The following FKBP15 variants were observed in gnomAD, a reference collection of about 807,000 sequenced individuals.
FKBP15 encodes FK506-binding protein 15.
A neutral mutation model predicts 158.1 loss-of-function variants in FKBP15; 106 were observed. The ratio of observed to expected loss-of-function variants is 0.67; its 90% CI spans 0.57 to 0.79. FKBP15 has a LOEUF of 0.79. FKBP15 is among the 30% of genes least tolerant of loss of function. The pLI is 0.00. For missense variants in FKBP15, 1,287 were observed against 1,479.1 expected (o/e 0.87, Z 2.13); for synonymous variants, 547 against 548.6 (o/e 1.00, Z 0.04).
In FKBP15 at chr9:113,198,836, AAC is replaced by A. The variant is rs772762368; in HGVS notation, c.717+17_717+18del. 1.9e-6 allele frequency: 3 copies of A among 1,572,530 alleles called. No homozygotes were observed. Among genetic ancestry groups the A allele is most frequent in the South Asian group, 1.2e-5 (1 of 85,660 alleles). ...ACTGCAACTGATAAAACCATAAAAA[AAC>A]ACAGTTAAGCCTTTACCTTGATGAC... is the stretch of plus-strand genomic sequence containing the variant. On this transcript the variant is annotated intron_variant, in intron 8 of 27. Transcript: ENST00000238256. The surrounding 1 kb of genome is among the most constrained non-coding windows in gnomAD (Gnocchi z 5.2).
At chr9:113,199,408 A>G (rs895642292) in intron 7 of FKBP15, among the ~76,000 whole-genome samples, 2 of 152,224 alleles carry the variant, frequency 1.3e-5, no homozygotes, top group Non-Finnish European at 2.9e-5. Context: ...TTAAGGGCTC[A>G]ATAATATTAA....
In FKBP15 at chr9:113,173,491, C is replaced by T. The variant is rs752293633; in HGVS notation, c.2494G>A (p.Asp832Asn). 5 of 1,613,768 alleles carry T rather than the reference C, an allele frequency of 3.1e-6. No homozygotes were observed. The highest frequency in any genetic ancestry group is 4.2e-6 in the Non-Finnish European group (5 of 1,179,784). Residue 832 changes from aspartate (D) to asparagine (N), a missense_variant, in exon 23 of 28, where the codon GAT becomes AAT. Physicochemically the swap from Asp to Asn is conservative, Grantham distance 23 (BLOSUM62 1). Coordinates refer to ENST00000238256, the MANE Select transcript of FKBP15 (RefSeq NM_015258.2). ...QQYQEVCAQR[D>N]AYQQKLVQLQ... ...TGTACCAGCTTCTGCTGGTAGGCAT[C>T]TCTCTGTGCGCACACCTCCTGGTAC...
rs1050960170 is a variant in FKBP15 at position 113,162,224 on chromosome 9, A to G, written c.*3854T>C. 5 of 267,816 alleles carry G rather than the reference A, an allele frequency of 1.9e-5. No homozygotes were observed. Among genetic ancestry groups the G allele is most frequent in the Non-Finnish European group, 2.9e-5 (4 of 137,030 alleles). 16.6% of individuals were successfully genotyped at this position (267,816 alleles called of 1,614,324 possible). On this transcript the variant is annotated 3_prime_UTR_variant, in exon 28 of 28. Coordinates refer to ENST00000238256, the MANE Select transcript of FKBP15 (RefSeq NM_015258.2). ...CCCGCTCCATCACTAGCCACCCTACATGGGTGTCTCAGATCTTCACAACTG... is the reference window on the plus strand; with the variant it reads ...CCCGCTCCATCACTAGCCACCCTACGTGGGTGTCTCAGATCTTCACAACTG...
intron 21 of FKBP15, among the ~76,000 whole-genome samples, chr9:113,174,846 A>G (rs1289484212): frequency 2.1e-5 from 1 of 46,906 alleles, no homozygotes; most frequent in African/African-American, 7.7e-5. Context: ...GCGGATCACG[A>G]GGTCAGGAGA....
chr9:113,199,794 T>G lies in FKBP15; in HGVS notation c.648+20A>C. On this transcript the variant is annotated intron_variant, in intron 7 of 27. Coordinates refer to ENST00000238256, the MANE Select transcript of FKBP15 (RefSeq NM_015258.2). ...TGCTATATAAGTTTACAAAAGAACT[T>G]GCAGGGTGCATTTTCTTACCTGGCC... The G allele has an allele frequency of 6.2e-7, 1 of 1,606,418 alleles. No homozygotes were observed. The highest frequency in any genetic ancestry group is 8.5e-7 in the Non-Finnish European group (1 of 1,176,444).
intron 12 of FKBP15, among the ~76,000 whole-genome samples, chr9:113,190,257 T>C (rs1465653146): frequency 6.6e-6 from 1 of 152,172 alleles, no homozygotes; most frequent in African/African-American, 2.4e-5. Flanking sequence ...AACTGCCCAG[T>C]TCTTGTAAAA....
At chr9:113,166,561 A>G (rs930256261) in intron 27 of FKBP15, among the ~76,000 whole-genome samples, 9 of 152,176 alleles carry the variant, frequency 5.9e-5, no homozygotes, top group African/African-American at 2.2e-4. Flanking sequence ...GGAAGAAGGG[A>G]GGTTGGGAAG....
intron 1 of FKBP15, among the ~76,000 whole-genome samples, chr9:113,212,917 C>A (rs1040305429): frequency 6.6e-6 from 1 of 152,174 alleles, no homozygotes; most frequent in South Asian, 2.1e-4. Context: ...ACAGGCAATA[C>A]AAATGTAACA....
chr9:113,207,351 T>A, intron 2 of FKBP15, 55 bp from the exon 3 acceptor site: 1 of 1,390,186 alleles, frequency 7.2e-7, no homozygotes, highest in East Asian at 2.3e-5. Context: ...TAAACTAATT[T>A]TTTTTAAAGA....
At chr9:113,183,577 G>A (rs1830437471) in intron 18 of FKBP15, among the ~76,000 whole-genome samples, 174 bp downstream of exon 18, 1 of 152,138 alleles carries the variant, frequency 6.6e-6, no homozygotes, top group East Asian at 1.9e-4. Flanking sequence ...AGCCTACTAA[G>A]CTCCTTCTAC....
chr9:113,168,807 C>T (rs902772550), intron 26 of FKBP15, among the ~76,000 whole-genome samples: 2 of 152,218 alleles, frequency 1.3e-5, no homozygotes, highest in African/African-American at 2.4e-5. Context: ...CTTCCCTAGC[C>T]ACCCTATCTA....
intron 25 of FKBP15, among the ~76,000 whole-genome samples, chr9:113,170,235 C>T (rs1053887430): frequency 3.3e-5 from 5 of 152,072 alleles, no homozygotes; most frequent in Non-Finnish European, 7.4e-5. Flanking sequence ...AAGTGATTCT[C>T]CTGCCTCAGC....
At chr9:113,182,254 G>A (rs995846449) in intron 19 of FKBP15, among the ~76,000 whole-genome samples, 5 of 152,164 alleles carry the variant, frequency 3.3e-5, no homozygotes, top group African/African-American at 4.8e-5. Context: ...GATAAAGAAC[G>A]TCACTGGAGC....
chr9:113,167,176 T>C (rs1400421362), intron 27 of FKBP15, among the ~76,000 whole-genome samples: 1 of 152,244 alleles, frequency 6.6e-6, no homozygotes, highest in African/African-American at 2.4e-5. Flanking sequence ...TTACTAGCTA[T>C]ATAAGCTTAG....
chr9:113,188,968 A>G (rs1474013365), intron 12 of FKBP15, among the ~76,000 whole-genome samples: 1 of 152,262 alleles, frequency 6.6e-6, no homozygotes, highest in Admixed American at 6.5e-5. Context: ...CACCTGATTA[A>G]CATGCTGTTT....
Position 113,203,066 on chromosome 9 carries a change from A to C in FKBP15, c.325-31T>G, listed in dbSNP as rs757781755. ...GACAAGCAACGACAGATAGAAAAAA[A>C]AAAAGAGAGACAGCAGAAGTTAAAA... On this transcript the variant is annotated intron_variant, in intron 4 of 27. Transcript: ENST00000238256. The C allele has an allele frequency of 1.8e-5, 27 of 1,463,516 alleles. No homozygotes were observed. The African/African-American group carries it at 3.4e-4, about 18-fold the overall frequency. The allele number at this position is 1,463,516 out of a possible 1,614,324, so 90.7% of individuals were successfully genotyped here. A position where few individuals can be genotyped will look rare whatever the true frequency, so the allele number is the denominator to read the frequency against.
chr9:113,211,752 T>TAAA (rs58018622), intron 1 of FKBP15, among the ~76,000 whole-genome samples, 160 bp from the exon 2 acceptor site: 24,309 of 149,544 alleles, frequency 0.16, 2,126 homozygotes, highest in East Asian at 0.27. Context: ...ATTTAAAAAT[T>TAAA]AAAAAAAAAA....
At chr9:113,214,296 T>C (rs1831076730) in intron 1 of FKBP15, among the ~76,000 whole-genome samples, 1 of 152,242 alleles carries the variant, frequency 6.6e-6, no homozygotes, top group African/African-American at 2.4e-5. Context: ...TGCTTAGCCA[T>C]GAAATGTATT....
Position 113,162,828 on chromosome 9 carries a change from A to G in FKBP15, c.*3250T>C, listed in dbSNP as rs1336707518. 9 of 1,613,662 alleles carry G rather than the reference A, an allele frequency of 5.6e-6. No homozygotes were observed. In the Admixed American group the frequency reaches 6.7e-5, roughly 12 times the overall value. ...CGGCTACTTCATCATGCTGGCCGTA[A>G]TGTCCTACAACACCTGGATTTTCCT... On this transcript the variant is annotated 3_prime_UTR_variant, in exon 28 of 28. Transcript: ENST00000238256.
Sources: gnomAD v4.1 joint callset for allele counts (sites outside exome capture counted in the v4.1 genomes callset) on GRCh38, gnomAD v4.1.1 for gene constraint, Gnocchi (gnomAD v3.1) non-coding constraint, MANE v1.5 for transcripts, NCBI Gene and HGNC (gene_info 2026-07-23, HGNC 2026-07-21) for gene names.